The following ST3GAL1 variants were observed in gnomAD, a reference collection of about 807,000 sequenced individuals.
The protein encoded by ST3GAL1 is CMP-N-acetylneuraminate-beta-galactosamide-alpha-2,3-sialyltransferase 1.
ST3GAL1 carries 16 observed loss-of-function variants against 34.1 expected under a neutral mutation model. That is an observed-to-expected ratio of 0.47 (90% CI 0.32 to 0.71). The LOEUF (loss-of-function observed/expected upper bound fraction) is 0.71, where lower values mean the gene tolerates loss of function less well. Ranked by LOEUF, ST3GAL1 falls within the 30% of genes least tolerant of loss-of-function variation. The probability of loss-of-function intolerance (pLI) is 0.04; values close to 1 mark genes in which losing one functional copy is unlikely to be tolerated. For missense variants in ST3GAL1, 353 were observed against 447.4 expected (o/e 0.79, Z 1.90); for synonymous variants, 191 against 184.7 (o/e 1.03, Z -0.28).
rs1036696381 is a variant in ST3GAL1 at position 133,457,275 on chromosome 8, C to G, written c.*2489G>C. On this transcript the variant is annotated 3_prime_UTR_variant, in exon 10 of 10. Coordinates refer to ENST00000522652, the MANE Select transcript of ST3GAL1 (RefSeq NM_173344.3). ...CGACCCAGGCAGCATCTGGCTCAGA[C>G]GCAGACACATCTTCATGTTGAGGGA... The G allele has an allele frequency of 1.3e-5, 2 of 152,262 alleles. No individual in the cohort carries two copies. Among genetic ancestry groups the G allele is most frequent in the Non-Finnish European group, 2.9e-5 (2 of 68,104 alleles). 9.4% of individuals were successfully genotyped at this position (152,262 alleles called of 1,614,324 possible). A position where few individuals can be genotyped will look rare whatever the true frequency, so the allele number is the denominator to read the frequency against.
At chr8:133,534,526 T>G (rs1004455415) in intron 2 of ST3GAL1, among the ~76,000 whole-genome samples, 2 of 152,074 alleles carry the variant, frequency 1.3e-5, no homozygotes, top group Non-Finnish European at 2.9e-5. Flanking sequence ...TTGCCTAAGT[T>G]AATTGGAGGC....
Position 133,459,495 on chromosome 8 carries a change from T to C in ST3GAL1, c.*269A>G, listed in dbSNP as rs951749829. 2.9e-5 allele frequency: 10 copies of C among 341,952 alleles called. No homozygotes were observed. The highest frequency in any genetic ancestry group is 4.8e-5 in the Admixed American group (1 of 20,822). 21.2% of individuals were successfully genotyped at this position (341,952 alleles called of 1,614,324 possible). A position where few individuals can be genotyped will look rare whatever the true frequency, so the allele number is the denominator to read the frequency against. On this transcript the variant is annotated 3_prime_UTR_variant, in exon 10 of 10. Transcript: ENST00000522652. The surrounding 1 kb of genome is among the most constrained non-coding windows in gnomAD (Gnocchi z 4.7). ...TTTTAGTGTGTGGAGGTTGAACCTT[T>C]CCCAGCGTCTCCCCAGCTCTAGGGC...
At chr8:133,465,055 G>A in intron 6 of ST3GAL1, 98 bp from the exon 7 acceptor site, 1 of 1,292,316 alleles carries the variant, frequency 7.7e-7, no homozygotes. Context: ...TGTGACTTCA[G>A]GGGTGTCACC....
At chr8:133,527,845 G>C (rs528470211) in intron 2 of ST3GAL1, among the ~76,000 whole-genome samples, 1 of 152,106 alleles carries the variant, frequency 6.6e-6, no homozygotes, top group Non-Finnish European at 1.5e-5. Flanking sequence ...CCACCCCAGG[G>C]GACTGAGCCC....
intron 9 of ST3GAL1, among the ~76,000 whole-genome samples, chr8:133,460,279 C>T (rs554899287): frequency 7.2e-5 from 11 of 152,196 alleles, no homozygotes; most frequent in South Asian, 2.1e-4. Flanking sequence ...GGAAGGAGGG[C>T]GTGGAATGGA....
At chr8:133,527,587 G>A (rs1023335483) in intron 2 of ST3GAL1, among the ~76,000 whole-genome samples, 1 of 152,110 alleles carries the variant, frequency 6.6e-6, no homozygotes, top group African/African-American at 2.4e-5. Flanking sequence ...TGAGGATAAT[G>A]ATAATATTCA....
chr8:133,478,852 T>C (rs1200146955), intron 3 of ST3GAL1, among the ~76,000 whole-genome samples: 1 of 152,210 alleles, frequency 6.6e-6, no homozygotes, highest in Non-Finnish European at 1.5e-5. Context: ...AGCCTCACTA[T>C]GGCAGTGACC....
rs1056903100 is a variant in ST3GAL1, at chr8:133,570,200, C to T, written c.-582+1493G>A. 3 of 152,312 alleles carry T rather than the reference C, an allele frequency of 2.0e-5. No individual in the cohort carries two copies. The highest frequency in any genetic ancestry group is 7.2e-5 in the African/African-American group (3 of 41,478). 9.4% of individuals were successfully genotyped at this position (152,312 alleles called of 1,614,324 possible). A position where few individuals can be genotyped will look rare whatever the true frequency, so the allele number is the denominator to read the frequency against. On this transcript the variant is annotated intron_variant, in intron 1 of 9. Coordinates refer to ENST00000522652, the MANE Select transcript of ST3GAL1 (RefSeq NM_173344.3). The surrounding 1 kb of genome is among the most constrained non-coding windows in gnomAD (Gnocchi z 5.6). The stretch of plus-strand genomic sequence containing the variant: ...CCCAGCCGCAGAGCGGGGGTGGGCG[C>T]TCGCTGTCTCCCTGGAGAACCAGCT...
chr8:133,479,292 G>A (rs763301323), intron 3 of ST3GAL1, among the ~76,000 whole-genome samples: 6 of 152,008 alleles, frequency 3.9e-5, no homozygotes, highest in Non-Finnish European at 7.4e-5. Context: ...AGCAAAGGAG[G>A]CCTGTATGGC....
intron 1 of ST3GAL1, among the ~76,000 whole-genome samples, chr8:133,557,745 G>T (rs1361425386): frequency 1.3e-5 from 2 of 152,128 alleles, no homozygotes. Flanking sequence ...CTACTTAGGA[G>T]GCTGAGGCGG....
intron 2 of ST3GAL1, among the ~76,000 whole-genome samples, chr8:133,523,708 T>C (rs1007693541): frequency 1.3e-5 from 2 of 152,200 alleles, no homozygotes; most frequent in Non-Finnish European, 2.9e-5. Context: ...TTGACAAATG[T>C]CTGTTGAGCT....
intron 1 of ST3GAL1, among the ~76,000 whole-genome samples, chr8:133,560,453 G>A (rs545561064): frequency 5.3e-5 from 8 of 152,232 alleles, no homozygotes; most frequent in Admixed American, 1.3e-4. Flanking sequence ...ATGGTGAATC[G>A]GGGAGAAGAC....
At position 133,466,397 on chromosome 8, in the gene ST3GAL1, C is replaced by T. The variant is rs1815735703; in HGVS notation, c.307-307G>A. Among the ~76,000 whole-genome samples, 1 of 152,224 alleles carries T rather than the reference C, an allele frequency of 6.6e-6. No homozygotes were observed. The highest frequency in any genetic ancestry group is 1.5e-5 in the Non-Finnish European group (1 of 68,032). ...CAGCCACACCTGGACTCACAGGCCC[C>T]TCCCACTCCACATGTGATCAGCGTT... On this transcript the variant is annotated intron_variant, in intron 5 of 9. Transcript: ENST00000522652. The surrounding 1 kb of genome is among the most constrained non-coding windows in gnomAD (Gnocchi z 4.4).
Position 133,571,297 on chromosome 8 carries a change from C to T in ST3GAL1, c.-582+396G>A, listed in dbSNP as rs1200397448. Among the ~76,000 whole-genome samples the T allele has an allele frequency of 6.6e-6, 1 of 152,172 alleles. No individual in the cohort carries two copies. The highest frequency in any genetic ancestry group is 1.9e-4 in the East Asian group (1 of 5,170). On this transcript the variant is annotated intron_variant, in intron 1 of 9. Transcript: ENST00000522652. The surrounding 1 kb of genome is among the most constrained non-coding windows in gnomAD (Gnocchi z 6.7). ...GGCCCCAGCGGAGGAGATCCCAGCC[C>T]GGCGCCGGGTGCAATGTCACTGGGG...
At chr8:133,540,024 GTATT>G (rs1460730508) in intron 2 of ST3GAL1, among the ~76,000 whole-genome samples, 1 of 152,206 alleles carries the variant, frequency 6.6e-6, no homozygotes, top group Non-Finnish European at 1.5e-5. Flanking sequence ...CACTCAGTAA[GTATT>G]TACTAAATGA....
chr8:133,489,358 G>A lies in ST3GAL1; in HGVS notation c.-374+9777C>T, dbSNP rs189248851. On this transcript the variant is annotated intron_variant, in intron 3 of 9. Coordinates refer to ENST00000522652, the MANE Select transcript of ST3GAL1 (RefSeq NM_173344.3). Reference sequence around the variant, plus strand: ...AGTGCCCCAGGAGCTGTGCCCCACAGAAAGCCATGCCTCCCGCCCCTCCCC... The same window carrying A: ...AGTGCCCCAGGAGCTGTGCCCCACAAAAAGCCATGCCTCCCGCCCCTCCCC... Among the ~76,000 whole-genome samples the A allele has an allele frequency of 7.0e-3, 1,068 of 152,232 alleles. 17 individuals are homozygous for A. Among genetic ancestry groups the A allele is most frequent in the African/African-American group, 0.025 (1,023 of 41,546 alleles).
At chr8:133,521,462 C>A (rs1199277219) in intron 2 of ST3GAL1, among the ~76,000 whole-genome samples, 1 of 152,182 alleles carries the variant, frequency 6.6e-6, no homozygotes, top group Non-Finnish European at 1.5e-5. Context: ...CCGTGCCCAG[C>A]TAATTTTTGT....
At chr8:133,473,831 C>T (rs1816058233) in intron 5 of ST3GAL1, among the ~76,000 whole-genome samples, 1 of 152,210 alleles carries the variant, frequency 6.6e-6, no homozygotes, top group South Asian at 2.1e-4. Flanking sequence ...ACGGGGCAGC[C>T]CTTGTGACTA....
At chr8:133,514,429 C>T (rs111591378) in intron 2 of ST3GAL1, among the ~76,000 whole-genome samples, 6 of 152,244 alleles carry the variant, frequency 3.9e-5, no homozygotes, top group African/African-American at 1.4e-4. Flanking sequence ...AGGGCTCCTT[C>T]CATGCCATGG....
Sources: allele counts gnomAD v4.1 joint callset (sites outside exome capture counted in the v4.1 genomes callset), GRCh38; gene constraint gnomAD v4.1.1; non-coding constraint Gnocchi (gnomAD v3.1); transcripts MANE v1.5; gene names NCBI Gene and HGNC (gene_info 2026-07-23, HGNC 2026-07-21).